GTF2F2: variants seen among roughly 807,000 people sequenced by gnomAD.
GTF2F2 encodes the protein general transcription factor IIF subunit 2.
A neutral mutation model predicts 42.2 loss-of-function variants in GTF2F2; 23 were observed. That is an observed-to-expected ratio of 0.55 (90% CI 0.39 to 0.77). The LOEUF (loss-of-function observed/expected upper bound fraction) is 0.77. Ranked by LOEUF, GTF2F2 falls within the 30% of genes least tolerant of loss-of-function variation. The pLI is 0.00. For synonymous variants in GTF2F2, 105 were observed against 100.8 expected (o/e 1.04, Z -0.25); for missense variants, 261 against 287.2 (o/e 0.91, Z 0.66).
At chr13:45,170,427 A>G (rs1310807828) in intron 4 of GTF2F2, among the ~76,000 whole-genome samples, 1 of 152,246 alleles carries the variant, frequency 6.6e-6, no homozygotes, top group Non-Finnish European at 1.5e-5. Context: ...GACAAGGCTT[A>G]GAAGCAAATA....
At chr13:45,278,429 T>C (rs182070367) in intron 7 of GTF2F2, among the ~76,000 whole-genome samples, 44 of 152,316 alleles carry the variant, frequency 2.9e-4, no homozygotes, top group Admixed American at 2.8e-3. Context: ...CACATCCTTT[T>C]GATGAAGAAT....
chr13:45,143,009 T>C (rs1870007063), intron 2 of GTF2F2, among the ~76,000 whole-genome samples: 1 of 152,154 alleles, frequency 6.6e-6, no homozygotes, highest in African/African-American at 2.4e-5. Flanking sequence ...AGTGAAAACA[T>C]TATGTTCAGT....
At chr13:45,206,092 A>G (rs2138187824) in intron 4 of GTF2F2, among the ~76,000 whole-genome samples, 1 of 152,276 alleles carries the variant, frequency 6.6e-6, no homozygotes, top group East Asian at 1.9e-4. Flanking sequence ...GGCTTTTAAA[A>G]TATTTTCTTC....
intron 4 of GTF2F2, among the ~76,000 whole-genome samples, chr13:45,152,115 A>G (rs1002688277): frequency 6.6e-6 from 1 of 151,900 alleles, no homozygotes; most frequent in Non-Finnish European, 1.5e-5. Context: ...AGGTTTCTCC[A>G]TGTTGGTCAG....
chr13:45,136,360 C>G (rs1031129329), intron 1 of GTF2F2, among the ~76,000 whole-genome samples: 8 of 152,244 alleles, frequency 5.3e-5, no homozygotes. Flanking sequence ...TTGAAATAAT[C>G]GTAAGCCCAG....
At chr13:45,166,044 CCTCAGGTGATCTGCCAGCATCAGCCT>C (rs1871285302) in intron 4 of GTF2F2, among the ~76,000 whole-genome samples, 1 of 151,962 alleles carries the variant, frequency 6.6e-6, no homozygotes, top group Non-Finnish European at 1.5e-5. Context: ...CAACTCCTGA[CCTCAGGTGATCTGCCAGCATCAGCCT>C]CTCAAAGTGC....
At chr13:45,222,450 G>T (rs1026384988) in intron 5 of GTF2F2, among the ~76,000 whole-genome samples, 16 of 152,028 alleles carry the variant, frequency 1.1e-4, no homozygotes, top group Admixed American at 9.8e-4. Context: ...GTTAATTTTA[G>T]AATCTCAATG....
intron 5 of GTF2F2, among the ~76,000 whole-genome samples, chr13:45,223,686 T>C (rs899911179): frequency 6.6e-6 from 1 of 152,242 alleles, no homozygotes; most frequent in Admixed American, 6.5e-5. Context: ...AATACTGCAC[T>C]ATGACTTTTC....
At chr13:45,254,590 A>C (rs902719465) in intron 6 of GTF2F2, among the ~76,000 whole-genome samples, 2 of 152,210 alleles carry the variant, frequency 1.3e-5, no homozygotes, top group African/African-American at 4.8e-5. Context: ...GGCTTACCTG[A>C]GGTGGTGCAG....
intron 4 of GTF2F2, chr13:45,193,929 G>A: frequency 2.5e-6 from 4 of 1,614,122 alleles, no homozygotes; most frequent in Non-Finnish European, 2.5e-6. Context: ...CAAAGGTGTT[G>A]TCTTCCTTTA....
intron 2 of GTF2F2, among the ~76,000 whole-genome samples, chr13:45,147,494 A>T (rs1870253279): frequency 6.6e-6 from 1 of 152,252 alleles, no homozygotes; most frequent in South Asian, 2.1e-4. Flanking sequence ...TGCCTGCCTC[A>T]AAATGCAAGT....
At chr13:45,188,521 A>T (rs183702068) in intron 4 of GTF2F2, among the ~76,000 whole-genome samples, 121 of 152,338 alleles carry the variant, frequency 7.9e-4, no homozygotes, top group Non-Finnish European at 1.4e-3. Flanking sequence ...TTTACTGGAC[A>T]AGATAATAAT....
intron 5 of GTF2F2, among the ~76,000 whole-genome samples, chr13:45,224,600 T>TAC (rs1473626064): frequency 3.3e-5 from 5 of 152,318 alleles, no homozygotes; most frequent in African/African-American, 1.2e-4. Flanking sequence ...TCCCTTTGGG[T>TAC]CACTTGGTCT....
At chr13:45,162,025 C>G (rs1593463404) in intron 4 of GTF2F2, among the ~76,000 whole-genome samples, 1 of 152,182 alleles carries the variant, frequency 6.6e-6, no homozygotes, top group African/African-American at 2.4e-5. Flanking sequence ...TATTTACTAT[C>G]TTATTTAATT....
intron 5 of GTF2F2, among the ~76,000 whole-genome samples, chr13:45,210,331 A>G (rs1308934921): frequency 1.3e-5 from 2 of 152,022 alleles, no homozygotes; most frequent in Non-Finnish European, 2.9e-5. Flanking sequence ...GCACACATCC[A>G]CACTGCAGCC....
intron 7 of GTF2F2, among the ~76,000 whole-genome samples, chr13:45,273,655 A>AATTTTTTTTTTTT (rs1555273613): frequency 1.6e-5 from 2 of 123,864 alleles, no homozygotes; most frequent in African/African-American, 7.1e-5. Flanking sequence ...GAGTGGTAAA[A>AATTTTTTTTTTTT]TTTTTTTTTT....
At chr13:45,211,030 C>T (rs1215304205) in intron 5 of GTF2F2, among the ~76,000 whole-genome samples, 1 of 152,148 alleles carries the variant, frequency 6.6e-6, no homozygotes, top group Non-Finnish European at 1.5e-5. Context: ...AATGAACTTA[C>T]TTCAGACTTC....
chr13:45,255,481 A>T (rs1876066760), intron 6 of GTF2F2, among the ~76,000 whole-genome samples: 1 of 152,244 alleles, frequency 6.6e-6, no homozygotes, highest in Non-Finnish European at 1.5e-5. Context: ...CTTTCATTTT[A>T]TAGCCTCTGG....
At chr13:45,179,772 G>T (rs946527864) in intron 4 of GTF2F2, among the ~76,000 whole-genome samples, 1 of 152,056 alleles carries the variant, frequency 6.6e-6, no homozygotes, top group Non-Finnish European at 1.5e-5. Context: ...CTTTTTAATT[G>T]TTTTTCAGAG....
Sources: gnomAD v4.1 joint callset for allele counts (sites outside exome capture counted in the v4.1 genomes callset) on GRCh38, gnomAD v4.1.1 for gene constraint, MANE v1.5 for transcripts, NCBI Gene and HGNC (gene_info 2026-07-23, HGNC 2026-07-21) for gene names.